Variants in AXIN1 observed in about 807,000 individuals in gnomAD.
The protein encoded by AXIN1 is axin 1, also known as axin-1.
A neutral mutation model predicts 76.4 loss-of-function variants in AXIN1; 30 were observed. The ratio of observed to expected loss-of-function variants is 0.39; its 90% CI spans 0.29 to 0.53. The LOEUF (loss-of-function observed/expected upper bound fraction) is 0.53, where lower values mean the gene tolerates loss of function less well. AXIN1 is among the 20% of genes least tolerant of loss of function. The probability of loss-of-function intolerance (pLI) is 0.66; values close to 1 mark genes in which losing one functional copy is unlikely to be tolerated. For missense variants in AXIN1, 1,140 were observed against 1,198.8 expected, an observed-to-expected ratio of 0.95 and a Z score of 0.72; for synonymous variants, 545 against 501.4, an observed-to-expected ratio of 1.09 and a Z score of -1.16.
intron 1 of AXIN1, among the ~76,000 whole-genome samples, chr16:347,534 G>T (rs1018643364): frequency 6.6e-6 from 1 of 152,190 alleles, no homozygotes; most frequent in Admixed American, 6.5e-5. Flanking sequence ...AAGTAAGATG[G>T]AGACAATCGC....
chr16:331,603 C>T (rs1204236807), intron 2 of AXIN1, among the ~76,000 whole-genome samples: 1 of 152,208 alleles, frequency 6.6e-6, no homozygotes, highest in Admixed American at 6.5e-5. Flanking sequence ...ACACTCCTAT[C>T]AGCGTATAGA....
In AXIN1 at chr16:346,494, C is replaced by T. The variant is rs768040856; in HGVS notation, c.532G>A (p.Asp178Asn). The T allele has an allele frequency of 6.8e-6, 11 of 1,614,108 alleles. No homozygotes were observed. In the South Asian group the frequency reaches 1.2e-4, roughly 18 times the overall value. Residue 178 changes from aspartate (D) to asparagine (N), a missense_variant, in exon 2 of 11, where the codon GAT becomes AAT. Transcript: ENST00000262320. ...TGGGCCTGGTCAAACATGGCAGGAT[C>T]GATCAGCTGCTTCATGATGCAGCCC... ...IKGCIMKQLI[D>N]PAMFDQAQTE...
chr16:295,267 G>A (rs932315458), intron 7 of AXIN1, among the ~76,000 whole-genome samples: 3 of 151,442 alleles, frequency 2.0e-5, no homozygotes, highest in Admixed American at 6.6e-5. Flanking sequence ...ACCACACACG[G>A]CTAATTTTTT....
chr16:339,171 A>G (rs1267359473), intron 2 of AXIN1, among the ~76,000 whole-genome samples: 4 of 135,198 alleles, frequency 3.0e-5, no homozygotes, highest in African/African-American at 1.1e-4. Flanking sequence ...TGAGGTCAGG[A>G]GTTCAAAACC....
At chr16:296,472 G>A (rs1007484734) in intron 7 of AXIN1, among the ~76,000 whole-genome samples, 6 of 152,180 alleles carry the variant, frequency 3.9e-5, no homozygotes, top group Admixed American at 6.5e-5. Context: ...GCTGGGTTCC[G>A]GGCACGAGTG....
rs2141546074 is a variant in AXIN1, at chr16:304,365, G to A, written c.1193C>T (p.Ala398Val). 1 of 1,612,676 alleles carries A rather than the reference G, an allele frequency of 6.2e-7. No homozygotes were observed. The highest frequency in any genetic ancestry group is 8.5e-7 in the Non-Finnish European group (1 of 1,179,902). ...FAEELIHRLE[A>V]VQRTREAEEK... The stretch of plus-strand genomic sequence containing the variant: ...CTCGGCCTCCCGCGTGCGCTGCACA[G>A]CCTCCAGGCGGTGGATGAGCTCCTC... The change falls in exon 5 of 11, where the codon GCT (alanine) becomes GTT (valine). Residue 398 changes from alanine (A) to valine (V), a missense_variant. By Grantham distance (64) the Ala-to-Val change is moderately conservative. Coordinates refer to ENST00000262320, the MANE Select transcript of AXIN1 (RefSeq NM_003502.4).
chr16:327,903 AG>A (rs2053616134), intron 2 of AXIN1, among the ~76,000 whole-genome samples: 1 of 152,246 alleles, frequency 6.6e-6, no homozygotes, highest in South Asian at 2.1e-4. Context: ...GAAAGGCTGC[AG>A]GTCACAGTTA....
intron 2 of AXIN1, 41 bp from the exon 3 acceptor site, chr16:314,724 A>G (rs1597047596): frequency 6.2e-7 from 1 of 1,610,756 alleles, no homozygotes; most frequent in Non-Finnish European, 8.5e-7. Flanking sequence ...ACAGCCTGCC[A>G]ACAGCCTCTC....
rs2141486710 is a variant in AXIN1 at position 293,654 on chromosome 16, A to G, written c.2020T>C (p.Trp674Arg). The G allele has an allele frequency of 6.2e-7, 1 of 1,613,662 alleles. No homozygotes were observed. The highest frequency in any genetic ancestry group is 8.5e-7 in the Non-Finnish European group (1 of 1,180,002). The change falls in exon 8 of 11, where the codon TGG becomes CGG. Residue 674 changes from tryptophan (W) to arginine (R), a missense_variant. Physicochemically the swap from Trp to Arg is moderately radical, Grantham distance 101. Coordinates refer to ENST00000262320, the MANE Select transcript of AXIN1 (RefSeq NM_003502.4). The surrounding 1 kb of genome is among the most constrained non-coding windows in gnomAD (Gnocchi z 4.6). ...GAGGTCCGGAGCTGAGGGCCGGCCC[A>G]GGGGTGCTCAAGGGACAAGGGTCTG... ...NSRPLSLEHP[W>R]AGPQLRTSVQ...
rs906882012 is a variant in AXIN1 at position 287,990 on chromosome 16, T to C, written c.*132A>G. 1 of 1,488,440 alleles carries C rather than the reference T, an allele frequency of 6.7e-7. No individual in the cohort carries two copies. The allele number at this position is 1,488,440 out of a possible 1,614,324, so 92.2% of individuals were successfully genotyped here. ...CCCCCTACCTGCCTCTAGACACGGG[T>C]AGACCACAGGGATGGGTGGTACACC... On this transcript the variant is annotated 3_prime_UTR_variant, in exon 11 of 11. Coordinates refer to ENST00000262320, the MANE Select transcript of AXIN1 (RefSeq NM_003502.4).
chr16:299,871 G>A (rs980007920), intron 5 of AXIN1, among the ~76,000 whole-genome samples: 4 of 149,500 alleles, frequency 2.7e-5, no homozygotes, highest in African/African-American at 9.9e-5. Context: ...TAGCCAGGAT[G>A]GTCTCGATCT....
chr16:296,201 C>G (rs1300617754), intron 7 of AXIN1, among the ~76,000 whole-genome samples: 2 of 152,270 alleles, frequency 1.3e-5, no homozygotes, highest in Non-Finnish European at 2.9e-5. Context: ...ATGGGGACCC[C>G]AAGGCCTTGC....
chr16:339,196 CAAAA>C (rs1002630324), intron 2 of AXIN1, among the ~76,000 whole-genome samples: 11 of 34,660 alleles, frequency 3.2e-4, no homozygotes, highest in East Asian at 8.8e-4. Context: ...AGCCTGGTCT[CAAAA>C]AAAAAAAAAA....
At chr16:330,556 C>T (rs571847727) in intron 2 of AXIN1, among the ~76,000 whole-genome samples, 14 of 152,312 alleles carry the variant, frequency 9.2e-5, no homozygotes, top group African/African-American at 2.9e-4. Context: ...GCGTGAACAC[C>T]GTGCATTGAA....
At chr16:300,485 C>G (rs1597005814) in intron 5 of AXIN1, among the ~76,000 whole-genome samples, 1 of 152,158 alleles carries the variant, frequency 6.6e-6, no homozygotes, top group Non-Finnish European at 1.5e-5. Context: ...CAGATGTGAG[C>G]CACTGTGCCC....
In AXIN1 at chr16:297,761, A is replaced by T. The variant is rs761985351; in HGVS notation, c.1745T>A (p.Val582Asp). The change falls in exon 6 of 11, where the codon GTT (valine) becomes GAT (aspartate). Residue 582 changes from valine (V) to aspartate (D), a missense_variant. Physicochemically the swap from Val to Asp is radical, Grantham distance 152. Around this residue, in one of 3 missense-constraint regions of AXIN1, gnomAD observed 429 missense variants for 405.8 expected, o/e 1.06. Transcript: ENST00000262320. ...GARSRGYSES[V>D]GAAPNASDGL... ...ATCACTGGCGTTGGGGGCAGCGCCA[A>T]CACTCTCTGAGTAGCCTCGGGACCT... 2.5e-6 allele frequency: 4 copies of T among 1,592,514 alleles called. No individual in the cohort carries two copies. The South Asian group carries it at 4.5e-5, about 18-fold the overall frequency.
chr16:293,236 A>G lies in AXIN1; in HGVS notation c.2186+252T>C. On this transcript the variant is annotated intron_variant, in intron 8 of 10. Transcript: ENST00000262320. This position sits in a 1 kb window ranked among gnomAD's most constrained non-coding sequence, Gnocchi z 4.6. ...CAGACTGGGCTCAGGTTGAGGAGGG[A>G]CCCCGCCTCCAGAGCAATGAGCGCG... 3.5e-6 allele frequency: 2 copies of G among 565,876 alleles called. No individual in the cohort carries two copies. Among genetic ancestry groups the G allele is most frequent in the Non-Finnish European group, 6.3e-6 (2 of 315,876 alleles). The allele number at this position is 565,876 out of a possible 1,614,324, so 35.1% of individuals were successfully genotyped here.
chr16:289,130 C>T (rs1299530810), intron 10 of AXIN1, among the ~76,000 whole-genome samples: 1 of 151,718 alleles, frequency 6.6e-6, no homozygotes, highest in African/African-American at 2.4e-5. Flanking sequence ...GCTCTGTCAC[C>T]CAGGCTGGAG....
intron 5 of AXIN1, among the ~76,000 whole-genome samples, chr16:303,629 G>A (rs1167193598): frequency 1.3e-5 from 2 of 151,946 alleles, no homozygotes; most frequent in Non-Finnish European, 2.9e-5. Context: ...TGATCCGCCC[G>A]CCTCGGCCTC....
Sources: allele counts gnomAD v4.1 joint callset (sites outside exome capture counted in the v4.1 genomes callset), GRCh38; gene constraint gnomAD v4.1.1; regional missense constraint gnomAD v4.1.1; non-coding constraint Gnocchi (gnomAD v3.1); transcripts MANE v1.5; gene names NCBI Gene and HGNC (gene_info 2026-07-23, HGNC 2026-07-21).